The following SMC4 variants were observed in gnomAD, a reference collection of about 807,000 sequenced individuals.
The protein encoded by SMC4 is structural maintenance of chromosomes protein 4.
Under a neutral mutation model 145.6 loss-of-function variants are expected in SMC4, and 87 were observed. That is an observed-to-expected ratio of 0.60 (90% CI 0.50 to 0.71). The LOEUF is 0.71. Ranked by LOEUF, SMC4 falls within the 30% of genes least tolerant of loss-of-function variation. The pLI, the probability that SMC4 is intolerant of heterozygous loss-of-function variation, is 0.00. For missense variants in SMC4, 1,447 were observed against 1,537.1 expected (o/e 0.94, Z 0.98); for synonymous variants, 558 against 500.7 (o/e 1.11, Z -1.53).
At position 160,433,131 on chromosome 3, in the gene SMC4, C is replaced by T; in HGVS notation, c.3636C>T (p.Pro1212=). ...ALVFALHHYK[P]TPLYFMDEID... is the part of the protein sequence containing the mutation. ...TATTTGCTCTTCACCACTACAAGCC[C>T]ACTCCCCTTTACTTCATGGATGAGA... The change falls in exon 23 of 24, where the codon CCC becomes CCT. Residue 1212 remains proline, a synonymous_variant. Coordinates refer to ENST00000357388, the MANE Select transcript of SMC4 (RefSeq NM_001002800.3). 6.2e-7 allele frequency: 1 copy of T among 1,613,566 alleles called. No individual in the cohort carries two copies. The highest frequency in any genetic ancestry group is 8.5e-7 in the Non-Finnish European group (1 of 1,179,602).
chr3:160,419,396 A>G lies in SMC4; in HGVS notation c.1710A>G (p.Thr570=). 2 of 1,602,128 alleles carry G rather than the reference A, an allele frequency of 1.2e-6. No individual in the cohort carries two copies. The highest frequency in any genetic ancestry group is 1.7e-6 in the Non-Finnish European group (2 of 1,177,246). ...TTCAAAAACTTACACAAGAAGAAAC[A>G]AACTTTAAAAGTTTGGTTCATGATC... The part of the protein sequence containing the change: ...KELQKLTQEE[T]NFKSLVHDLF... Residue 570 remains threonine (T), a synonymous_variant, in exon 12 of 24, where the codon ACA becomes ACG. Coordinates refer to ENST00000357388, the MANE Select transcript of SMC4 (RefSeq NM_001002800.3).
At position 160,434,833 on chromosome 3, in the gene SMC4, T is replaced by C. The variant is rs1718817193; in HGVS notation, c.*1024T>C. The stretch of plus-strand genomic sequence containing the variant: ...ATTAATTAAAGAGTTAATTGTTCCT[T>C]TCTTCAGTGGGCCATTGTTTTAGAT... On this transcript the variant is annotated 3_prime_UTR_variant, in exon 24 of 24. Transcript: ENST00000357388. 1 of 152,214 alleles carries C rather than the reference T, an allele frequency of 6.6e-6. No individual in the cohort carries two copies. The highest frequency in any genetic ancestry group is 1.5e-5 in the Non-Finnish European group (1 of 68,042). The allele number at this position is 152,214 out of a possible 1,614,324, so 9.4% of individuals were successfully genotyped here.
intron 18 of SMC4, among the ~76,000 whole-genome samples, chr3:160,429,231 G>A (rs964604376): frequency 6.6e-6 from 1 of 152,202 alleles, no homozygotes; most frequent in African/African-American, 2.4e-5. Flanking sequence ...TGGTCTCGGG[G>A]AGGGAGTAGT....
intron 13 of SMC4, among the ~76,000 whole-genome samples, chr3:160,422,061 C>A (rs933808459): frequency 6.6e-6 from 1 of 152,148 alleles, no homozygotes; most frequent in Non-Finnish European, 1.5e-5. Context: ...CTTTTATTGC[C>A]AAATGGTATT....
intron 5 of SMC4, among the ~76,000 whole-genome samples, chr3:160,405,661 GC>G (rs1715251451): frequency 6.6e-6 from 1 of 151,872 alleles, no homozygotes; most frequent in South Asian, 2.1e-4. Context: ...CAGTATATTT[GC>G]AATACTTCAA....
Position 160,423,448 on chromosome 3 carries a change from G to T in SMC4, c.2043G>T (p.Met681Ile). 1.9e-6 allele frequency: 3 copies of T among 1,568,462 alleles called. No individual in the cohort carries two copies. The South Asian group carries it at 3.4e-5, about 18-fold the overall frequency. ...LDKMAVWAKK[M>I]TEIQTPENTP... Reference sequence around the variant, plus strand: ...AGATGGCTGTATGGGCGAAAAAGATGACCGAAATTCAAACTCCTGAAAATA... The same window carrying T: ...AGATGGCTGTATGGGCGAAAAAGATTACCGAAATTCAAACTCCTGAAAATA... The change falls in exon 14 of 24, where the codon ATG (methionine) becomes ATT (isoleucine). Residue 681 changes from methionine to isoleucine, a missense_variant. Physicochemically the swap from Met to Ile is conservative, Grantham distance 10 (BLOSUM62 1). Coordinates refer to ENST00000357388, the MANE Select transcript of SMC4 (RefSeq NM_001002800.3).
chr3:160,426,095 T>C lies in SMC4; in HGVS notation c.2500T>C (p.Tyr834His), dbSNP rs1460213739. The C allele has an allele frequency of 1.2e-6, 2 of 1,605,154 alleles. No individual in the cohort carries two copies. Among genetic ancestry groups the C allele is most frequent in the Non-Finnish European group, 1.7e-6 (2 of 1,175,632 alleles). ...GTAGCGTTTAATAGAGCAAGAAGAA[T>C]ATTTGAATGTCCAAGTTAAGGAACT... is the stretch of plus-strand genomic sequence containing the variant. ...SIQRLIEQEE[Y>H]LNVQVKELEA... Residue 834 changes from tyrosine (Y) to histidine (H), a missense_variant, in exon 17 of 24, where the codon TAT (tyrosine) becomes CAT (histidine). By Grantham distance (83) the Tyr-to-His change is moderately conservative. Coordinates refer to ENST00000357388, the MANE Select transcript of SMC4 (RefSeq NM_001002800.3).
intron 5 of SMC4, among the ~76,000 whole-genome samples, chr3:160,410,994 A>G (rs73154584): frequency 6.6e-6 from 1 of 152,348 alleles, no homozygotes; most frequent in Non-Finnish European, 1.5e-5. Context: ...AGTACAAACA[A>G]GCTACTCCTA....
rs13403 is a variant in SMC4, at chr3:160,434,511, C to A, written c.*702C>A. On this transcript the variant is annotated 3_prime_UTR_variant, in exon 24 of 24. Coordinates refer to ENST00000357388, the MANE Select transcript of SMC4 (RefSeq NM_001002800.3). ...TTTTCAACTTTATGATAGGTTTATC[C>A]GGGTACTAAATGCATTTCAACTTGA... The A allele has an allele frequency of 0.52, 79,570 of 151,950 alleles. 21,302 individuals are homozygous for A. The highest frequency in any genetic ancestry group is 0.56 in the African/African-American group (23,255 of 41,436). The allele number at this position is 151,950 out of a possible 1,614,324, so 9.4% of individuals were successfully genotyped here. A position where few individuals can be genotyped will look rare whatever the true frequency, so the allele number is the denominator to read the frequency against.
In SMC4 at chr3:160,433,200, T is replaced by TTA; in HGVS notation, c.3713_3714dup (p.Glu1239MetfsTer10). 1.9e-6 allele frequency: 3 copies of TTA among 1,610,764 alleles called. No individual in the cohort carries two copies. The highest frequency in any genetic ancestry group is 2.5e-6 in the Non-Finnish European group (3 of 1,177,508). On this transcript the variant is annotated frameshift_variant, in exon 23 of 24. Transcript: ENST00000357388. LOFTEE classifies it high-confidence loss of function. ...TTAAAAATGTGTCCATTGTTGCATTTTATATATATGTAAGTAATCATTTTG... is the reference window on the plus strand; with the variant it reads ...TTAAAAATGTGTCCATTGTTGCATTTTATATATATATGTAAGTAATCATTTTG...
At chr3:160,401,836 A>T in intron 2 of SMC4, 79 bp from the exon 3 acceptor site, 1 of 1,065,432 alleles carries the variant, frequency 9.4e-7, no homozygotes, top group Non-Finnish European at 1.4e-6. Context: ...GGCAGTCATT[A>T]GTTCTCCGAA....
chr3:160,402,138 T>C, intron 3 of SMC4, 45 bp downstream of exon 3: 1 of 1,258,876 alleles, frequency 7.9e-7, no homozygotes, highest in East Asian at 2.8e-5. Context: ...TAAATAACTA[T>C]TGTAAGGTAA....
At chr3:160,431,335 G>GT in intron 20 of SMC4, 130 bp downstream of exon 20, 1 of 744,702 alleles carries the variant, frequency 1.3e-6, no homozygotes, top group Non-Finnish European at 2.1e-6. Context: ...TTTTAATTCT[G>GT]TGATCACTTC....
intron 3 of SMC4, 130 bp from the exon 4 acceptor site, chr3:160,402,546 C>A: frequency 1.2e-6 from 1 of 869,304 alleles, no homozygotes; most frequent in Non-Finnish European, 1.8e-6. Flanking sequence ...CTGTGATTAG[C>A]AATGAGAACT....
intron 12 of SMC4, 67 bp from the exon 13 acceptor site, chr3:160,420,673 C>G: frequency 6.5e-7 from 1 of 1,541,392 alleles, no homozygotes; most frequent in Non-Finnish European, 8.8e-7. Context: ...GTTTTTAAAA[C>G]TTGATGAATG....
intron 7 of SMC4, 78 bp downstream of exon 7, chr3:160,412,531 G>T (rs1333284435): frequency 2.4e-5 from 35 of 1,456,894 alleles, no homozygotes; most frequent in Non-Finnish European, 3.0e-5. Flanking sequence ...TTTTCCTAGA[G>T]AAACATGAAG....
Position 160,433,932 on chromosome 3 carries a change from TTATGCAGTTGTCATTTG to T in SMC4, c.*126_*142del. ...CTAGATCATGAAACTGGTTTCTGTT[TTATGCAGTTGTCATTTG>T]TAAAGTCTAATAAAATATTCTCTAT... On this transcript the variant is annotated 3_prime_UTR_variant, in exon 24 of 24. Coordinates refer to ENST00000357388, the MANE Select transcript of SMC4 (RefSeq NM_001002800.3). 1.5e-6 allele frequency: 1 copy of T among 654,092 alleles called. No individual in the cohort carries two copies. The allele number at this position is 654,092 out of a possible 1,614,324, so 40.5% of individuals were successfully genotyped here.
intron 9 of SMC4, among the ~76,000 whole-genome samples, chr3:160,415,641 A>G (rs1716503124): frequency 6.6e-6 from 1 of 152,250 alleles, no homozygotes; most frequent in African/African-American, 2.4e-5. Flanking sequence ...GTTGAACTTC[A>G]CAGGTACTAG....
At chr3:160,404,293 C>T in intron 4 of SMC4, 35 bp from the exon 5 acceptor site, 1 of 1,575,090 alleles carries the variant, frequency 6.3e-7, no homozygotes, top group Non-Finnish European at 8.6e-7. Flanking sequence ...TTAATACCAA[C>T]AATTGTTTTC....
Sources: allele counts gnomAD v4.1 joint callset (sites outside exome capture counted in the v4.1 genomes callset), GRCh38; gene constraint gnomAD v4.1.1; transcripts MANE v1.5; gene names NCBI Gene and HGNC (gene_info 2026-07-23, HGNC 2026-07-21).